Variants in ADGRL3 observed in about 807,000 individuals in gnomAD.
The protein encoded by ADGRL3 is adhesion G protein-coupled receptor L3, also known as calcium-independent alpha-latrotoxin receptor 3.
Under a neutral mutation model 153.5 loss-of-function variants are expected in ADGRL3, and 62 were observed. The ratio of observed to expected loss-of-function variants is 0.40; its 90% CI spans 0.33 to 0.50. The LOEUF is 0.50. Among genes scored for constraint, ADGRL3 ranks in the 20% least tolerant of loss-of-function variants. The pLI, the probability that ADGRL3 is intolerant of heterozygous loss-of-function variation, is 0.47. For missense variants in ADGRL3, 1,641 were observed against 1,859.4 expected, an observed-to-expected ratio of 0.88 and a Z score of 2.16; for synonymous variants, 710 against 672.5, an observed-to-expected ratio of 1.06 and a Z score of -0.86.
At chr4:61,966,605 T>TGTGA (rs1324595844) in intron 17 of ADGRL3, among the ~76,000 whole-genome samples, 1 of 150,712 alleles carries the variant, frequency 6.6e-6, no homozygotes, top group African/African-American at 2.5e-5. Flanking sequence ...TGTGTGTGTG[T>TGTGA]GAATGAAAAC....
chr4:61,595,205 T>C (rs1408648959), intron 5 of ADGRL3, among the ~76,000 whole-genome samples: 1 of 152,016 alleles, frequency 6.6e-6, no homozygotes, highest in African/African-American at 2.4e-5. Flanking sequence ...AAAATCCCCT[T>C]TATTTTTCCC....
intron 1 of ADGRL3, among the ~76,000 whole-genome samples, chr4:61,339,061 A>T (rs367915547): frequency 1.1e-3 from 169 of 152,230 alleles, no homozygotes; most frequent in African/African-American, 3.8e-3. Context: ...CTCATAGACC[A>T]CTAATAGAGT....
At chr4:62,055,935 A>C (rs1736769404) in intron 25 of ADGRL3, among the ~76,000 whole-genome samples, 1 of 151,740 alleles carries the variant, frequency 6.6e-6, no homozygotes, top group Non-Finnish European at 1.5e-5. Context: ...TATATAATTT[A>C]ATACAAGAAT....
chr4:61,362,332 A>ATG (rs1027865469), intron 1 of ADGRL3, among the ~76,000 whole-genome samples: 6 of 150,210 alleles, frequency 4.0e-5, no homozygotes, highest in African/African-American at 7.4e-5. Flanking sequence ...AAAATTATAT[A>ATG]TATATATATA....
chr4:61,779,997 G>A (rs1204970648), intron 8 of ADGRL3, among the ~76,000 whole-genome samples: 1 of 152,126 alleles, frequency 6.6e-6, no homozygotes, highest in Non-Finnish European at 1.5e-5. Context: ...ATTTTTTATG[G>A]TGATTCTGGG....
chr4:61,245,086 T>C (rs538378878), intron 1 of ADGRL3, among the ~76,000 whole-genome samples: 1 of 152,142 alleles, frequency 6.6e-6, no homozygotes, highest in East Asian at 1.9e-4. Flanking sequence ...CAGCATCTTG[T>C]GCATTCTTGT....
intron 2 of ADGRL3, among the ~76,000 whole-genome samples, chr4:61,461,604 T>C (rs1289434217): frequency 6.6e-5 from 10 of 152,168 alleles, no homozygotes; most frequent in Non-Finnish European, 2.9e-5. Context: ...TCAAAAACAA[T>C]GTGTATTTAC....
chr4:61,670,710 G>A (rs1017090877), intron 5 of ADGRL3, among the ~76,000 whole-genome samples: 32 of 152,080 alleles, frequency 2.1e-4, no homozygotes. Context: ...TCTTTTATGT[G>A]TCAGAAAAAG....
At chr4:61,654,453 T>C (rs2094379901) in intron 5 of ADGRL3, among the ~76,000 whole-genome samples, 1 of 152,084 alleles carries the variant, frequency 6.6e-6, no homozygotes, top group South Asian at 2.1e-4. Context: ...GTTAATATGC[T>C]GTAGGGATGT....
intron 6 of ADGRL3, among the ~76,000 whole-genome samples, chr4:61,689,294 C>A (rs1159614996): frequency 2.0e-5 from 3 of 152,152 alleles, no homozygotes; most frequent in Non-Finnish European, 4.4e-5. Context: ...CCATAAATGT[C>A]TCCAGGTGGT....
At chr4:61,714,399 T>A (rs932032044) in intron 6 of ADGRL3, among the ~76,000 whole-genome samples, 3 of 152,128 alleles carry the variant, frequency 2.0e-5, no homozygotes, top group Non-Finnish European at 4.4e-5. Flanking sequence ...CACACATATT[T>A]AGCAGATGCC....
intron 2 of ADGRL3, among the ~76,000 whole-genome samples, chr4:61,421,213 A>G (rs1468301061): frequency 6.6e-6 from 1 of 152,192 alleles, no homozygotes; most frequent in Non-Finnish European, 1.5e-5. Flanking sequence ...GGACGCCTGT[A>G]GTCCCAGCTA....
At chr4:61,251,778 ATT>A (rs202202996) in intron 1 of ADGRL3, among the ~76,000 whole-genome samples, 2,753 of 134,980 alleles carry the variant, frequency 0.02, 88 homozygotes, top group African/African-American at 0.07. Flanking sequence ...CAACTCTAGG[ATT>A]TTTTTTTTTT....
At chr4:61,287,248 T>C (rs2093973411) in intron 1 of ADGRL3, among the ~76,000 whole-genome samples, 1 of 151,916 alleles carries the variant, frequency 6.6e-6, no homozygotes, top group Non-Finnish European at 1.5e-5. Flanking sequence ...TTTAGGATTT[T>C]AGTAATGCTA....
chr4:61,982,690 A>G (rs1466996432), intron 18 of ADGRL3, among the ~76,000 whole-genome samples: 1 of 152,136 alleles, frequency 6.6e-6, no homozygotes, highest in Non-Finnish European at 1.5e-5. Flanking sequence ...GCCTTTTCTG[A>G]CCAAGCTTGT....
At chr4:61,458,677 C>G (rs1044548526) in intron 2 of ADGRL3, among the ~76,000 whole-genome samples, 1 of 151,396 alleles carries the variant, frequency 6.6e-6, no homozygotes, top group Non-Finnish European at 1.5e-5. Flanking sequence ...TTTACCTTAT[C>G]AAATTAATCA....
intron 13 of ADGRL3, among the ~76,000 whole-genome samples, chr4:61,919,384 T>C (rs2098758108): frequency 6.6e-6 from 1 of 152,214 alleles, no homozygotes; most frequent in Non-Finnish European, 1.5e-5. Flanking sequence ...CACAGCTTGA[T>C]AAATCTGCAC....
At chr4:62,037,556 A>G (rs1052285067) in intron 23 of ADGRL3, among the ~76,000 whole-genome samples, 175 bp from the exon 24 acceptor site, 1 of 152,094 alleles carries the variant, frequency 6.6e-6, no homozygotes, top group Admixed American at 6.6e-5. Context: ...TTCAAGCTTG[A>G]CAGTATGAAT....
At chr4:61,448,483 T>C (rs1179415216) in intron 2 of ADGRL3, among the ~76,000 whole-genome samples, 1 of 152,188 alleles carries the variant, frequency 6.6e-6, no homozygotes, top group African/African-American at 2.4e-5. Context: ...AGTTTTTGTC[T>C]TTATTTATGG....
Sources: gnomAD v4.1 joint callset for allele counts (sites outside exome capture counted in the v4.1 genomes callset) on GRCh38, gnomAD v4.1.1 for gene constraint, MANE v1.5 for transcripts, NCBI Gene and HGNC (gene_info 2026-07-23, HGNC 2026-07-21) for gene names.